The following PCDHA9 variants were observed in gnomAD, a reference collection of about 807,000 sequenced individuals.
The protein encoded by PCDHA9 is protocadherin alpha 9, also known as protocadherin alpha-9.
Under a neutral mutation model 62.0 loss-of-function variants are expected in PCDHA9, and 62 were observed. That is an observed-to-expected ratio of 1.00 (90% CI 0.81 to 1.23). PCDHA9 has a LOEUF of 1.23. Among genes scored for constraint, PCDHA9 ranks in the 50% most tolerant of loss-of-function variants. PCDHA9 has a pLI of 0.00. For missense variants in PCDHA9, 1,205 were observed against 1,249.8 expected (o/e 0.96, Z 0.54); for synonymous variants, 557 against 567.6 (o/e 0.98, Z 0.27).
rs1455444799 is a variant in PCDHA9, at chr5:140,876,953, T to C, written c.2394+26064T>C. On this transcript the variant is annotated intron_variant, in intron 1 of 3. Coordinates refer to ENST00000532602, the MANE Select transcript of PCDHA9 (RefSeq NM_031857.2). ...AAGAACGCGCTGGTGTCCTACTCGCTGGTGGAGCGGCGGGTGGGCGAGCAC... is the reference window on the plus strand; with the variant it reads ...AAGAACGCGCTGGTGTCCTACTCGCCGGTGGAGCGGCGGGTGGGCGAGCAC... The C allele has an allele frequency of 1.1e-5, 17 of 1,613,306 alleles. No homozygotes were observed. Among genetic ancestry groups the C allele is most frequent in the Non-Finnish European group, 1.4e-5 (17 of 1,179,866 alleles).
intron 1 of PCDHA9, chr5:140,866,390 T>C (rs2049324113): frequency 6.6e-6 from 1 of 152,134 alleles, no homozygotes; most frequent in Non-Finnish European, 1.5e-5. Flanking sequence ...TTTAAAGACA[T>C]AGATTCCCAT....
intron 1 of PCDHA9, among the ~76,000 whole-genome samples, chr5:140,941,795 T>G (rs1175900170): frequency 5.9e-5 from 9 of 152,226 alleles, no homozygotes; most frequent in Admixed American, 2.6e-4. Flanking sequence ...CCAAGAATAT[T>G]TAGTTGATTT....
intron 2 of PCDHA9, among the ~76,000 whole-genome samples, chr5:140,979,595 A>G (rs1261298748): frequency 1.3e-5 from 2 of 152,212 alleles, no homozygotes; most frequent in African/African-American, 4.8e-5. Context: ...GCTTACTTTA[A>G]ATTAACCTAG....
chr5:140,886,127 C>T (rs1308479455), intron 1 of PCDHA9, among the ~76,000 whole-genome samples: 5 of 152,172 alleles, frequency 3.3e-5, no homozygotes, highest in African/African-American at 1.2e-4. Flanking sequence ...AGTTCCGTAA[C>T]AACCAGATTC....
At chr5:140,884,410 G>GT in intron 1 of PCDHA9, 1 of 1,614,008 alleles carries the variant, frequency 6.2e-7, no homozygotes, top group Non-Finnish European at 8.5e-7. Context: ...TGGTGCTCAC[G>GT]TTGCTGCTGT....
At chr5:140,989,657 A>G (rs1045043697) in intron 3 of PCDHA9, among the ~76,000 whole-genome samples, 7 of 152,228 alleles carry the variant, frequency 4.6e-5, no homozygotes, top group African/African-American at 1.7e-4. Flanking sequence ...CAATATTTTA[A>G]AAGAAACTCT....
intron 1 of PCDHA9, among the ~76,000 whole-genome samples, chr5:140,959,379 A>T (rs2095484732): frequency 6.6e-6 from 1 of 152,176 alleles, no homozygotes; most frequent in Admixed American, 6.5e-5. Context: ...GTCTCAAAAA[A>T]AAAAGTCACA....
At chr5:140,946,044 A>G (rs1435633416) in intron 1 of PCDHA9, among the ~76,000 whole-genome samples, 1 of 152,160 alleles carries the variant, frequency 6.6e-6, no homozygotes, top group East Asian at 1.9e-4. Flanking sequence ...TGAAGGGACA[A>G]TCCACAGAAT....
chr5:140,995,449 A>G (rs1279825778), intron 3 of PCDHA9, among the ~76,000 whole-genome samples: 18 of 152,120 alleles, frequency 1.2e-4, no homozygotes, highest in African/African-American at 3.9e-4. Flanking sequence ...AAACTTATGA[A>G]TTGTTTATTT....
chr5:140,869,880 T>C (rs923843539), intron 1 of PCDHA9: 12 of 1,610,162 alleles, frequency 7.5e-6, no homozygotes, highest in South Asian at 3.3e-5. Flanking sequence ...CTAAAGAAAC[T>C]CTTGTGCTCA....
chr5:140,966,900 G>T, intron 1 of PCDHA9: 1 of 1,598,802 alleles, frequency 6.3e-7, no homozygotes, highest in Non-Finnish European at 8.5e-7. Context: ...TCCCAGCTGC[G>T]ATACTCTGTG....
intron 1 of PCDHA9, chr5:140,968,218 A>C (rs1586280879): frequency 6.2e-7 from 1 of 1,614,012 alleles, no homozygotes. Flanking sequence ...ACAATTTGCC[A>C]GGTGTGTTGC....
intron 3 of PCDHA9, among the ~76,000 whole-genome samples, chr5:141,006,649 G>A (rs1377970510): frequency 2.6e-5 from 4 of 152,176 alleles, no homozygotes; most frequent in Admixed American, 2.0e-4. Context: ...AGAGATGATG[G>A]TGTCCTGAAA....
At chr5:140,967,424 G>A (rs1554229541) in intron 1 of PCDHA9, 4 of 1,613,184 alleles carry the variant, frequency 2.5e-6, no homozygotes, top group Non-Finnish European at 2.5e-6. Context: ...CCGGGAGCAG[G>A]CAGCCTTGCA....
chr5:140,885,229 C>A (rs1410460890), intron 1 of PCDHA9, among the ~76,000 whole-genome samples: 2 of 151,932 alleles, frequency 1.3e-5, no homozygotes, highest in African/African-American at 4.8e-5. Context: ...TGTGATTCTG[C>A]TTTCAATTTT....
intron 3 of PCDHA9, among the ~76,000 whole-genome samples, chr5:141,003,593 G>A (rs1291518572): frequency 6.6e-6 from 1 of 152,140 alleles, no homozygotes; most frequent in African/African-American, 2.4e-5. Flanking sequence ...GATTTTAGAT[G>A]TGAGCCACCA....
chr5:140,947,146 A>G (rs1253300651), intron 1 of PCDHA9, among the ~76,000 whole-genome samples: 2 of 151,546 alleles, frequency 1.3e-5, no homozygotes, highest in Non-Finnish European at 1.5e-5. Context: ...ATGTATAGTT[A>G]CTTCCACGGG....
At chr5:140,943,070 A>G (rs2093413648) in intron 1 of PCDHA9, among the ~76,000 whole-genome samples, 2 of 152,004 alleles carry the variant, frequency 1.3e-5, no homozygotes, top group Non-Finnish European at 2.9e-5. Context: ...CAGCCTGACC[A>G]ACATGGTGAA....
In PCDHA9 at chr5:140,952,512, CATCT is replaced by C. The variant is rs2094757607; in HGVS notation, c.2395-26436_2395-26433del. ...CAGTCCTCAGTAAGTTCCTCATCTC[CATCT>C]GAGACCTCCTCAGACTGGACTTCTT... On this transcript the variant is annotated intron_variant, in intron 1 of 3. Coordinates refer to ENST00000532602, the MANE Select transcript of PCDHA9 (RefSeq NM_031857.2). 2.0e-5 allele frequency among the ~76,000 whole-genome samples: 3 copies of C among 152,242 alleles called. No individual in the cohort carries two copies. The South Asian group carries it at 6.2e-4, about 32-fold the overall frequency.
Sources: allele counts gnomAD v4.1 joint callset (sites outside exome capture counted in the v4.1 genomes callset), GRCh38; gene constraint gnomAD v4.1.1; transcripts MANE v1.5; gene names NCBI Gene and HGNC (gene_info 2026-07-23, HGNC 2026-07-21).